PIGX: variants seen among roughly 807,000 people sequenced by gnomAD.
PIGX encodes the protein GPI alpha-1,4-mannosyltransferase I, stabilizing subunit.
Under a neutral mutation model 28.7 loss-of-function variants are expected in PIGX, and 24 were observed. That is an observed-to-expected ratio of 0.84 (90% CI 0.60 to 1.17). The LOEUF (loss-of-function observed/expected upper bound fraction) is 1.17. Ranked by LOEUF, PIGX falls within the 50% of genes most tolerant of loss-of-function variation. PIGX has a pLI of 0.00. For synonymous variants in PIGX, 127 were observed against 121.0 expected (o/e 1.05, Z -0.33); for missense variants, 305 against 317.8 (o/e 0.96, Z 0.31).
In PIGX at chr3:196,716,920, AG is replaced by A. The variant is rs1192529221; in HGVS notation, c.176+1del. On this transcript the variant is annotated frameshift_variant and splice_region_variant, in exon 2 of 6. Coordinates refer to ENST00000392391, the MANE Select transcript of PIGX (RefSeq NM_017861.4). LOFTEE classifies it high-confidence loss of function. ...AGAAGTTTTGAAAGATGGTTTCCAC[AG>A]GTAAGTTGCCTGTTGATTTCTATTT... 2 of 1,575,814 alleles carry A rather than the reference AG, an allele frequency of 1.3e-6. No individual in the cohort carries two copies. Among genetic ancestry groups the A allele is most frequent in the Non-Finnish European group, 1.7e-6 (2 of 1,145,928 alleles).
In PIGX at chr3:196,727,959, C is replaced by T; in HGVS notation, c.355C>T (p.Pro119Ser). The stretch of plus-strand genomic sequence containing the variant: ...TTCAGAAAATTTTGATATAGAGGCC[C>T]CTAACTATTTGTCCAAGGAGTCTGA... Residue 119 changes from proline (P) to serine (S), a missense_variant, in exon 4 of 6, where the codon CCT becomes TCT. Physicochemically the swap from Pro to Ser is moderately conservative, Grantham distance 74. Coordinates refer to ENST00000392391, the MANE Select transcript of PIGX (RefSeq NM_017861.4). The T allele has an allele frequency of 6.2e-7, 1 of 1,613,478 alleles. No homozygotes were observed. The highest frequency in any genetic ancestry group is 2.2e-5 in the East Asian group (1 of 44,884).
Position 196,728,118 on chromosome 3 carries a change from T to A in PIGX, c.514T>A (p.Leu172Met). 1 of 1,614,082 alleles carries A rather than the reference T, an allele frequency of 6.2e-7. No homozygotes were observed. The highest frequency in any genetic ancestry group is 8.5e-7 in the Non-Finnish European group (1 of 1,179,918). Reference sequence around the variant, plus strand: ...GATTGTGGTCAATAACCCAGATTTGTTGATGTTTTGTGACCAAGGTGAGGG... The same window carrying A: ...GATTGTGGTCAATAACCCAGATTTGATGATGTTTTGTGACCAAGGTGAGGG... Residue 172 changes from leucine to methionine, a missense_variant, in exon 4 of 6, where the codon TTG (leucine) becomes ATG (methionine). Coordinates refer to ENST00000392391, the MANE Select transcript of PIGX (RefSeq NM_017861.4).
intron 2 of PIGX, among the ~76,000 whole-genome samples, chr3:196,717,216 A>G (rs1357005003): frequency 1.3e-5 from 2 of 149,516 alleles, no homozygotes; most frequent in Non-Finnish European, 3.0e-5. Flanking sequence ...CAGGAGAATC[A>G]CTTGAACCCG....
At position 196,712,552 on chromosome 3, in the gene PIGX, C is replaced by A; in HGVS notation, c.20C>A (p.Ala7Glu). 1.0e-5 allele frequency: 12 copies of A among 1,177,928 alleles called. No individual in the cohort carries two copies. The highest frequency in any genetic ancestry group is 1.3e-5 in the Non-Finnish European group (12 of 953,204). 73.0% of individuals were successfully genotyped at this position (1,177,928 alleles called of 1,614,324 possible). A position where few individuals can be genotyped will look rare whatever the true frequency, so the allele number is the denominator to read the frequency against. The change falls in exon 1 of 6, where the codon GCG becomes GAG. Residue 7 changes from alanine (A) to glutamate (E), a missense_variant. Ala to Glu is a moderately radical substitution (Grantham distance 107). Transcript: ENST00000392391. ...GGCGTCCTGGCGGCTCGGGTGGCGGCGGTTCGGGCGGCCGCCTGGCTGCTC... is the reference window on the plus strand; with the variant it reads ...GGCGTCCTGGCGGCTCGGGTGGCGGAGGTTCGGGCGGCCGCCTGGCTGCTC...
In PIGX at chr3:196,731,004, T is replaced by C. The variant is rs1712729351; in HGVS notation, c.545T>C (p.Leu182Ser). Residue 182 changes from leucine (L) to serine (S), a missense_variant, in exon 5 of 6, where the codon TTG (leucine) becomes TCG (serine). Transcript: ENST00000392391. ...CCACTTTTCTCAGAGTTCCCGATTT[T>C]GAAATGCTGGGCTCACTCAGAAGTG... 1 of 1,608,376 alleles carries C rather than the reference T, an allele frequency of 6.2e-7. No individual in the cohort carries two copies. The highest frequency in any genetic ancestry group is 2.2e-5 in the East Asian group (1 of 44,826).
At chr3:196,723,619 T>TC (rs1192268822) in intron 3 of PIGX, among the ~76,000 whole-genome samples, 3 of 150,642 alleles carry the variant, frequency 2.0e-5, no homozygotes, top group Admixed American at 6.6e-5. Flanking sequence ...ATGATTTCTT[T>TC]TTTTTTTTTT....
rs145791825 is a variant in PIGX, at chr3:196,716,556, T to C, written c.113-302T>C. Among the ~76,000 whole-genome samples the C allele has an allele frequency of 1.2e-4, 19 of 152,298 alleles. 1 individual carries two copies. The highest frequency in any genetic ancestry group is 4.6e-4 in the African/African-American group (19 of 41,568). ...CTAAGTGCTTCTACTTACATTAAATTCTTACGACAGCTAGTAGAGAGATAA... is the reference window on the plus strand; with the variant it reads ...CTAAGTGCTTCTACTTACATTAAATCCTTACGACAGCTAGTAGAGAGATAA... On this transcript the variant is annotated intron_variant, in intron 1 of 5. Transcript: ENST00000392391.
intron 2 of PIGX, among the ~76,000 whole-genome samples, chr3:196,720,493 T>G (rs1712280198): frequency 6.6e-6 from 1 of 152,232 alleles, no homozygotes; most frequent in Non-Finnish European, 1.5e-5. Context: ...TTGCAAATAA[T>G]GCCGTTGTGA....
chr3:196,712,812 T>G, intron 1 of PIGX, 168 bp downstream of exon 1: 2 of 1,100,636 alleles, frequency 1.8e-6, no homozygotes, highest in Non-Finnish European at 1.1e-6. Flanking sequence ...CCCGTGCGCT[T>G]TGCTCTGCGG....
In PIGX at chr3:196,731,074, C is replaced by A. The variant is rs764524237; in HGVS notation, c.615C>A (p.Asn205Lys). ...AGAATGAGGATATCTGCCAATGGAA[C>A]AAGATGAAGTATAAATCAGTAAGCT... The change falls in exon 5 of 6, where the codon AAC (asparagine) becomes AAA (lysine). Residue 205 changes from asparagine to lysine, a missense_variant. Coordinates refer to ENST00000392391, the MANE Select transcript of PIGX (RefSeq NM_017861.4). 22 of 1,587,032 alleles carry A rather than the reference C, an allele frequency of 1.4e-5. No individual in the cohort carries two copies. Among genetic ancestry groups the A allele is most frequent in the Non-Finnish European group, 1.9e-5 (22 of 1,155,808 alleles).
At position 196,712,664 on chromosome 3, in the gene PIGX, G is replaced by C; in HGVS notation, c.112+20G>C. On this transcript the variant is annotated intron_variant, in intron 1 of 5. Coordinates refer to ENST00000392391, the MANE Select transcript of PIGX (RefSeq NM_017861.4). The stretch of plus-strand genomic sequence containing the variant: ...ACGCCGGTAAGGGGGGCGGGGCTTG[G>C]GGGGCCAGAGCGTGGGAGCGGTCCC... 8.4e-7 allele frequency: 1 copy of C among 1,184,128 alleles called. No individual in the cohort carries two copies. Among genetic ancestry groups the C allele is most frequent in the African/African-American group, 1.6e-5 (1 of 62,654 alleles). The allele number at this position is 1,184,128 out of a possible 1,614,324, so 73.4% of individuals were successfully genotyped here.
chr3:196,721,255 T>C (rs1577673084), intron 2 of PIGX: 1 of 337,286 alleles, frequency 3.0e-6, no homozygotes, highest in Non-Finnish European at 5.7e-6. Context: ...CTCCCTGGTC[T>C]TTTTTCCTCT....
intron 4 of PIGX, among the ~76,000 whole-genome samples, chr3:196,730,478 A>G (rs1457096755): frequency 6.6e-6 from 1 of 152,040 alleles, no homozygotes; most frequent in Admixed American, 6.6e-5. Flanking sequence ...GGCCAGGCGT[A>G]GTGGCTCACG....
rs2108693389 is a variant in PIGX, at chr3:196,734,429, G to A, written c.*527G>A. On this transcript the variant is annotated 3_prime_UTR_variant, in exon 6 of 6. Transcript: ENST00000392391. ...AATACAAAAGTTAGCTGGGGCTGGT[G>A]GTGGGCATCTGTAGTCCCAGCTAAT... 6.6e-6 allele frequency: 1 copy of A among 152,618 alleles called. No individual in the cohort carries two copies. Among genetic ancestry groups the A allele is most frequent in the South Asian group, 2.1e-4 (1 of 4,840 alleles). The allele number at this position is 152,618 out of a possible 1,614,324, so 9.5% of individuals were successfully genotyped here. A position where few individuals can be genotyped will look rare whatever the true frequency, so the allele number is the denominator to read the frequency against.
chr3:196,719,914 C>T (rs1277719096), intron 2 of PIGX, among the ~76,000 whole-genome samples: 2 of 151,970 alleles, frequency 1.3e-5, no homozygotes, highest in Admixed American at 6.6e-5. Context: ...CTCAGCCTCC[C>T]GATTACAGGC....
chr3:196,712,577 C>A lies in PIGX; in HGVS notation c.45C>A (p.Leu15=). The change falls in exon 1 of 6, where the codon CTC becomes CTA. Residue 15 remains leucine, a synonymous_variant. Transcript: ENST00000392391. The stretch of plus-strand genomic sequence containing the variant: ...CGGTTCGGGCGGCCGCCTGGCTGCT[C>A]CTCGGGGCGGCGACCGGGCTCACGC... 1 of 1,189,886 alleles carries A rather than the reference C, an allele frequency of 8.4e-7. No homozygotes were observed. Among genetic ancestry groups the A allele is most frequent in the South Asian group, 4.2e-5 (1 of 23,966 alleles). 73.7% of individuals were successfully genotyped at this position (1,189,886 alleles called of 1,614,324 possible). A position where few individuals can be genotyped will look rare whatever the true frequency, so the allele number is the denominator to read the frequency against.
Position 196,732,246 on chromosome 3 carries a change from A to T in PIGX, c.633+1154A>T, listed in dbSNP as rs1244752782. Among the ~76,000 whole-genome samples the T allele has an allele frequency of 9.4e-3, 236 of 25,202 alleles. 28 individuals carry two copies. Among genetic ancestry groups the T allele is most frequent in the African/African-American group, 0.041 (199 of 4,856 alleles). 16.5% of individuals were successfully genotyped at this position (25,202 alleles called of 152,430 possible). On this transcript the variant is annotated intron_variant, in intron 5 of 5. Transcript: ENST00000392391. ...TATATATATATATATATATATATAT[A>T]TATATATATATTTTATTTTATTTTA...
At chr3:196,712,950 A>T (rs1711895524) in intron 1 of PIGX, 3 of 1,008,150 alleles carry the variant, frequency 3.0e-6, no homozygotes, top group Non-Finnish European at 2.4e-6. Flanking sequence ...CTTGAGCTGC[A>T]CGAAGCTTCT....
intron 3 of PIGX, among the ~76,000 whole-genome samples, chr3:196,725,266 G>T (rs1560077727): frequency 6.6e-6 from 1 of 152,038 alleles, no homozygotes; most frequent in African/African-American, 2.4e-5. Flanking sequence ...TCTGCTTCTG[G>T]TCAAGTGGAG....
Sources: allele counts gnomAD v4.1 joint callset (sites outside exome capture counted in the v4.1 genomes callset), GRCh38; gene constraint gnomAD v4.1.1; transcripts MANE v1.5; gene names NCBI Gene and HGNC (gene_info 2026-07-23, HGNC 2026-07-21).